The following GRIK1 variants were observed in gnomAD, a reference collection of about 807,000 sequenced individuals.
GRIK1 encodes glutamate receptor ionotropic, kainate 1.
GRIK1 carries 69 observed loss-of-function variants against 105.7 expected under a neutral mutation model. That is an observed-to-expected ratio of 0.65 (90% CI 0.54 to 0.80). The LOEUF is 0.80. Ranked by LOEUF, GRIK1 falls within the 30% of genes least tolerant of loss-of-function variation. GRIK1 has a pLI of 0.00. For missense variants in GRIK1, 1,109 were observed against 1,167.3 expected, an observed-to-expected ratio of 0.95 and a Z score of 0.73; for synonymous variants, 438 against 431.3, an observed-to-expected ratio of 1.02 and a Z score of -0.19.
intron 1 of GRIK1, among the ~76,000 whole-genome samples, chr21:29,703,481 A>G (rs1223095119): frequency 6.6e-6 from 1 of 152,234 alleles, no homozygotes; most frequent in Non-Finnish European, 1.5e-5. Flanking sequence ...AGTTGATTAC[A>G]TCATAAGCAA....
At chr21:29,651,962 A>C (rs1248748278) in intron 5 of GRIK1, among the ~76,000 whole-genome samples, 1 of 152,112 alleles carries the variant, frequency 6.6e-6, no homozygotes, top group Non-Finnish European at 1.5e-5. Flanking sequence ...CTAGGGCAGT[A>C]ATCAGTTTTC....
intron 16 of GRIK1, chr21:29,553,207 G>A (rs997204206): frequency 3.8e-5 from 38 of 991,046 alleles, no homozygotes; most frequent in African/African-American, 1.0e-4. Context: ...AATTAGCATC[G>A]TGTTTCCATG....
At chr21:29,594,523 A>G (rs1222010827) in intron 9 of GRIK1, among the ~76,000 whole-genome samples, 2 of 152,204 alleles carry the variant, frequency 1.3e-5, no homozygotes, top group Non-Finnish European at 2.9e-5. Context: ...ACTTGTGGGG[A>G]GGAGCACTCA....
chr21:29,650,993 C>T (rs1165557143), intron 6 of GRIK1, 125 bp downstream of exon 6: 1 of 648,170 alleles, frequency 1.5e-6, no homozygotes, highest in African/African-American at 1.9e-5. Flanking sequence ...CAAACTCTTT[C>T]TTCTCTACTG....
chr21:29,686,386 T>G (rs1192872702), intron 3 of GRIK1, among the ~76,000 whole-genome samples: 1 of 151,856 alleles, frequency 6.6e-6, no homozygotes, highest in African/African-American at 2.4e-5. Context: ...TGACACGTAT[T>G]GATGAGGAAG....
chr21:29,884,369 T>C (rs2069530545), intron 1 of GRIK1, among the ~76,000 whole-genome samples: 1 of 152,054 alleles, frequency 6.6e-6, no homozygotes, highest in African/African-American at 2.4e-5. Context: ...AACCAGAGTC[T>C]ACTTACCATT....
At chr21:29,866,379 A>G (rs2068801738) in intron 1 of GRIK1, among the ~76,000 whole-genome samples, 1 of 152,092 alleles carries the variant, frequency 6.6e-6, no homozygotes, top group African/African-American at 2.4e-5. Flanking sequence ...TACATGTTTA[A>G]TTGTTTTTAA....
At chr21:29,927,807 G>T (rs186602843) in intron 1 of GRIK1, among the ~76,000 whole-genome samples, 153 of 152,082 alleles carry the variant, frequency 1.0e-3, no homozygotes, top group African/African-American at 3.4e-3. Context: ...GGAGGTGGAG[G>T]TTGCAGTGAG....
At chr21:29,872,316 C>T (rs2069046819) in intron 1 of GRIK1, among the ~76,000 whole-genome samples, 1 of 151,840 alleles carries the variant, frequency 6.6e-6, no homozygotes, top group East Asian at 1.9e-4. Flanking sequence ...GCCTCAGCCT[C>T]CCGAGTAGCT....
At chr21:29,772,583 G>T (rs1267889053) in intron 1 of GRIK1, among the ~76,000 whole-genome samples, 3 of 152,058 alleles carry the variant, frequency 2.0e-5, no homozygotes, top group Admixed American at 6.5e-5. Flanking sequence ...TTAACTATTT[G>T]TCATCCCCCC....
chr21:29,919,419 G>GT (rs796484010), intron 1 of GRIK1, among the ~76,000 whole-genome samples: 29 of 152,270 alleles, frequency 1.9e-4, no homozygotes, highest in African/African-American at 6.3e-4. Flanking sequence ...CACAGAGGAT[G>GT]TATTCCAGGC....
intron 1 of GRIK1, among the ~76,000 whole-genome samples, chr21:29,927,246 G>A (rs1602067410): frequency 1.3e-5 from 2 of 151,486 alleles, no homozygotes; most frequent in Non-Finnish European, 2.9e-5. Flanking sequence ...ATATAAATAT[G>A]AATTTATCTA....
intron 1 of GRIK1, among the ~76,000 whole-genome samples, chr21:29,700,645 A>G (rs541359295): frequency 1.3e-5 from 2 of 152,200 alleles, no homozygotes; most frequent in African/African-American, 4.8e-5. Context: ...CTGCTTTTCA[A>G]TCACTGTTTC....
chr21:29,756,939 C>A (rs1475103876), intron 1 of GRIK1, among the ~76,000 whole-genome samples: 2 of 151,846 alleles, frequency 1.3e-5, no homozygotes, highest in East Asian at 1.9e-4. Flanking sequence ...CATGGTGAAA[C>A]CCCATCTCTA....
intron 4 of GRIK1, among the ~76,000 whole-genome samples, chr21:29,657,108 T>C (rs2062869267): frequency 6.6e-6 from 1 of 152,182 alleles, no homozygotes; most frequent in Non-Finnish European, 1.5e-5. Flanking sequence ...AGAAATCCTA[T>C]TTTTCACTTT....
intron 1 of GRIK1, among the ~76,000 whole-genome samples, chr21:29,766,553 T>C (rs2065673582): frequency 6.6e-6 from 1 of 152,238 alleles, no homozygotes; most frequent in African/African-American, 2.4e-5. Flanking sequence ...CACCAAGTTT[T>C]GGATTTTATT....
intron 16 of GRIK1, among the ~76,000 whole-genome samples, chr21:29,539,478 T>A (rs991970748): frequency 3.9e-5 from 6 of 152,156 alleles, no homozygotes; most frequent in African/African-American, 1.4e-4. Context: ...TAAAGTATGG[T>A]TTGTCTAGTC....
At chr21:29,762,878 A>T (rs2065562750) in intron 1 of GRIK1, among the ~76,000 whole-genome samples, 1 of 152,226 alleles carries the variant, frequency 6.6e-6, no homozygotes, top group African/African-American at 2.4e-5. Flanking sequence ...AATACTGGAT[A>T]TGTCACACAG....
chr21:29,678,074 A>T (rs1051582222), intron 3 of GRIK1, among the ~76,000 whole-genome samples: 1 of 152,210 alleles, frequency 6.6e-6, no homozygotes, highest in African/African-American at 2.4e-5. Context: ...TGCCATAAGC[A>T]TGAATGTTAT....
Sources: gnomAD v4.1 joint callset for allele counts (sites outside exome capture counted in the v4.1 genomes callset) on GRCh38, gnomAD v4.1.1 for gene constraint, MANE v1.5 for transcripts, NCBI Gene and HGNC (gene_info 2026-07-23, HGNC 2026-07-21) for gene names.